CS: variants seen among roughly 807,000 people sequenced by gnomAD.
The protein encoded by CS is citrate synthase, mitochondrial.
In CS, 13 loss-of-function variants were observed where a neutral mutation model predicts 61.4. That is an observed-to-expected ratio of 0.21 (90% CI 0.14 to 0.34). The LOEUF (loss-of-function observed/expected upper bound fraction) is 0.34, where lower values mean the gene tolerates loss of function less well. Among genes scored for constraint, CS ranks in the 10% least tolerant of loss-of-function variants. The probability of loss-of-function intolerance (pLI) is 1.00; values close to 1 mark genes in which losing one functional copy is unlikely to be tolerated. For missense variants in CS, 278 were observed against 573.4 expected, an observed-to-expected ratio of 0.48 and a Z score of 5.26; for synonymous variants, 159 against 215.2, an observed-to-expected ratio of 0.74 and a Z score of 2.29.
intron 9 of CS, chr12:56,274,060 T>TC: frequency 2.2e-6 from 1 of 452,780 alleles, no homozygotes; most frequent in Non-Finnish European, 4.0e-6. Context: ...ATGCCTGTAA[T>TC]CCCAGCACTT....
At chr12:56,285,256 ATTTTT>A (rs901719714) in intron 3 of CS, 7 of 446,778 alleles carry the variant, frequency 1.6e-5, no homozygotes, top group Admixed American at 1.2e-4. Context: ...TGGAAATGAA[ATTTTT>A]TAAGTTGAGA....
intron 2 of CS, chr12:56,286,245 G>A (rs1260200012): frequency 1.4e-5 from 8 of 565,532 alleles, no homozygotes; most frequent in Non-Finnish European, 2.5e-5. Context: ...GCAGACAAAA[G>A]TTCTGGAGAT....
At chr12:56,290,186 G>A (rs185335674) in intron 1 of CS, among the ~76,000 whole-genome samples, 1 of 152,038 alleles carries the variant, frequency 6.6e-6, no homozygotes, top group East Asian at 1.9e-4. Flanking sequence ...ATGAGCCACA[G>A]TGCCCGGAAG....
At chr12:56,280,477 G>T (rs2135914342) in intron 6 of CS, among the ~76,000 whole-genome samples, 1 of 147,922 alleles carries the variant, frequency 6.8e-6, no homozygotes, top group Non-Finnish European at 1.5e-5. Flanking sequence ...CGCCTGTAAT[G>T]CCAGCTAGAC....
intron 4 of CS, 94 bp from the exon 5 acceptor site, chr12:56,283,085 A>G: frequency 1.5e-6 from 2 of 1,370,170 alleles, no homozygotes; most frequent in South Asian, 2.4e-5. Flanking sequence ...AAGTTAGAGT[A>G]GAACTTTTTA....
At chr12:56,274,320 T>TAAA (rs59911757) in intron 9 of CS, 56 of 124,006 alleles carry the variant, frequency 4.5e-4, no homozygotes, top group South Asian at 1.7e-3. Context: ...AGACTGTCTT[T>TAAA]AAAAAAAAAA....
In CS at chr12:56,283,772, T is replaced by C; in HGVS notation, c.267+20A>G. On this transcript the variant is annotated intron_variant, in intron 4 of 10. Coordinates refer to ENST00000351328, the MANE Select transcript of CS (RefSeq NM_004077.3). ...GCACAAACTCAATGATTATTAGTAA[T>C]TGACATGAAGATGTCTTACCTCATC... 6.3e-7 allele frequency: 1 copy of C among 1,588,594 alleles called. No individual in the cohort carries two copies. The highest frequency in any genetic ancestry group is 1.3e-5 in the African/African-American group (1 of 74,514).
At chr12:56,273,993 C>A in intron 9 of CS, 197 bp from the exon 10 acceptor site, 4 of 517,644 alleles carry the variant, frequency 7.7e-6, no homozygotes, top group Middle Eastern at 5.3e-4. Context: ...ACCAACACAT[C>A]TGGCTTTTTT....
intron 9 of CS, chr12:56,274,146 A>C (rs1592404800): frequency 3.8e-6 from 1 of 262,818 alleles, no homozygotes; most frequent in Non-Finnish European, 7.4e-6. Flanking sequence ...ACTCGGAGAA[A>C]CCCCGTCTCT....
At position 56,283,846 on chromosome 12, in the gene CS, G is replaced by A; in HGVS notation, c.213C>T (p.Gly71=). 6.2e-7 allele frequency: 1 copy of A among 1,611,502 alleles called. No individual in the cohort carries two copies. The highest frequency in any genetic ancestry group is 8.5e-7 in the Non-Finnish European group (1 of 1,178,090). Residue 71 remains glycine, a synonymous_variant, in exon 4 of 11, where the codon GGC becomes GGT. Transcript: ENST00000351328. The part of the protein sequence containing the change: ...GQITVDMMYG[G]MRGMKGLVYE... ...AGACCAATCCCTTCATGCCTCTCATGCCACCATACATCTAAAGAGGATGAA... is the reference window on the plus strand; with the variant it reads ...AGACCAATCCCTTCATGCCTCTCATACCACCATACATCTAAAGAGGATGAA...
intron 3 of CS, chr12:56,285,274 T>C: frequency 2.2e-6 from 1 of 445,288 alleles, no homozygotes; most frequent in Non-Finnish European, 4.5e-6. Context: ...AGTTGAGAAA[T>C]CACTATCTTT....
chr12:56,281,821 G>A (rs187452701), intron 6 of CS, among the ~76,000 whole-genome samples: 50 of 152,030 alleles, frequency 3.3e-4, no homozygotes, highest in Middle Eastern at 3.4e-3. Context: ...TCTCTTTTCC[G>A]TTTCAACAGC....
chr12:56,296,628 T>C (rs1450583698), intron 1 of CS, among the ~76,000 whole-genome samples: 2 of 152,230 alleles, frequency 1.3e-5, no homozygotes, highest in Non-Finnish European at 2.9e-5. Context: ...TGTGGCTTTA[T>C]TGAAATCCAC....
At position 56,299,995 on chromosome 12, in the gene CS, C is replaced by T. The variant is rs918390318; in HGVS notation, c.42+165G>A. Reference sequence around the variant, plus strand: ...CCCAGGAGCCAGAAGGGAAGCGCGGCACATGGTCCTGTAGCTTCACGCAGG... The same window carrying T: ...CCCAGGAGCCAGAAGGGAAGCGCGGTACATGGTCCTGTAGCTTCACGCAGG... On this transcript the variant is annotated intron_variant, in intron 1 of 10. Transcript: ENST00000351328. 1.1e-5 allele frequency: 7 copies of T among 618,072 alleles called. No homozygotes were observed. The South Asian group carries it at 1.5e-4, about 13-fold the overall frequency. The allele number at this position is 618,072 out of a possible 1,614,324, so 38.3% of individuals were successfully genotyped here. A position where few individuals can be genotyped will look rare whatever the true frequency, so the allele number is the denominator to read the frequency against.
chr12:56,277,258 C>T (rs573251597), intron 6 of CS, among the ~76,000 whole-genome samples: 16 of 147,758 alleles, frequency 1.1e-4, no homozygotes, highest in South Asian at 6.5e-4. Context: ...CCAGCACTTT[C>T]GGAGGCCGAG....
intron 3 of CS, among the ~76,000 whole-genome samples, chr12:56,285,432 CCCA>C: frequency 6.6e-6 from 1 of 152,206 alleles, no homozygotes; most frequent in South Asian, 2.1e-4. Context: ...ACAGGGGCAT[CCCA>C]CCATCTCTGG....
rs1264359681 is a variant in CS, at chr12:56,274,898, A to G, written c.919-20T>C. 17 of 1,602,432 alleles carry G rather than the reference A, an allele frequency of 1.1e-5. No homozygotes were observed. Among genetic ancestry groups the G allele is most frequent in the Non-Finnish European group, 1.4e-5 (17 of 1,174,162 alleles). On this transcript the variant is annotated intron_variant, in intron 8 of 10. Coordinates refer to ENST00000351328, the MANE Select transcript of CS (RefSeq NM_004077.3). ...CACTTCCTATGGGTAAGGTTTGGGG[A>G]AAAAGGGAATGTTAATACATATGCC...
chr12:56,274,320 T>TA (rs59911757), intron 9 of CS: 97,799 of 123,970 alleles, frequency 0.79, 41,190 homozygotes, highest in East Asian at 0.95. Flanking sequence ...AGACTGTCTT[T>TA]AAAAAAAAAA....
intron 6 of CS, among the ~76,000 whole-genome samples, chr12:56,279,515 C>T (rs1215490093): frequency 6.6e-6 from 1 of 152,032 alleles, no homozygotes; most frequent in Non-Finnish European, 1.5e-5. Context: ...GCCTGTAATC[C>T]CAGCACTTTT....
Sources: gnomAD v4.1 joint callset for allele counts (sites outside exome capture counted in the v4.1 genomes callset) on GRCh38, gnomAD v4.1.1 for gene constraint, MANE v1.5 for transcripts, NCBI Gene and HGNC (gene_info 2026-07-23, HGNC 2026-07-21) for gene names.